The following CREBBP variants were observed in gnomAD, a reference collection of about 807,000 sequenced individuals.
The protein encoded by CREBBP is CREB binding lysine acetyltransferase.
CREBBP carries 19 observed loss-of-function variants against 265.0 expected under a neutral mutation model. The ratio of observed to expected loss-of-function variants is 0.07; its 90% CI spans 0.05 to 0.11. The LOEUF is 0.11. Among genes scored for constraint, CREBBP ranks in the 10% least tolerant of loss-of-function variants. The pLI is 1.00. For synonymous variants in CREBBP, 1,457 were observed against 1,223.7 expected, an observed-to-expected ratio of 1.19 and a Z score of -3.98; for missense variants, 2,525 against 3,219.0, an observed-to-expected ratio of 0.78 and a Z score of 5.22.
chr16:3,738,523 T>C (rs981246671), intron 26 of CREBBP, 36 bp downstream of exon 26: 4 of 1,248,764 alleles, frequency 3.2e-6, no homozygotes, highest in African/African-American at 3.0e-5. Context: ...AAATAAAGGG[T>C]TCTTACTAGT....
In CREBBP at chr16:3,731,918, T is replaced by C; in HGVS notation, c.4748A>G (p.Lys1583Arg). The C allele has an allele frequency of 6.2e-7, 1 of 1,614,272 alleles. No homozygotes were observed. Among genetic ancestry groups the C allele is most frequent in the South Asian group, 1.1e-5 (1 of 91,092 alleles). ...CTTGTTGTTCTTCTTCTTGGCATTC[T>C]TGCTGTCGCCCTGACTGCCCTGCAA... The part of the protein sequence containing the change: ...ETTEGSQGDS[K>R]NAKKKNNKKT... The change falls in exon 29 of 31, where the codon AAG (lysine) becomes AGG (arginine). Residue 1583 changes from lysine (K) to arginine (R), a missense_variant. Lys to Arg is a conservative substitution (Grantham distance 26). Around this residue, in one of 19 missense-constraint regions of CREBBP, gnomAD observed 93 missense variants for 161.5 expected, o/e 0.58. Coordinates refer to ENST00000262367, the MANE Select transcript of CREBBP (RefSeq NM_004380.3). This position sits in a 1 kb window ranked among gnomAD's most constrained non-coding sequence, Gnocchi z 7.7.
At chr16:3,759,287 T>G (rs1184972264) in intron 16 of CREBBP, among the ~76,000 whole-genome samples, 2 of 152,064 alleles carry the variant, frequency 1.3e-5, no homozygotes, top group Non-Finnish European at 2.9e-5. Context: ...TCAAACTGGG[T>G]GGCAAATAAA....
At chr16:3,772,339 A>G (rs925817238) in intron 13 of CREBBP, among the ~76,000 whole-genome samples, 2 of 150,008 alleles carry the variant, frequency 1.3e-5, no homozygotes. Flanking sequence ...ACACACACAC[A>G]CACACACACA....
At chr16:3,785,016 G>A (rs1226175034) in intron 5 of CREBBP, among the ~76,000 whole-genome samples, 2 of 152,214 alleles carry the variant, frequency 1.3e-5, no homozygotes, top group East Asian at 3.8e-4. Context: ...AATTAATTAT[G>A]AACAAATAAA....
rs113036831 is a variant in CREBBP at position 3,876,334 on chromosome 16, T to C, written c.85+3498A>G. 2.1e-3 allele frequency among the ~76,000 whole-genome samples: 274 copies of C among 133,028 alleles called. 1 individual carries two copies. The highest frequency in any genetic ancestry group is 6.4e-3 in the African/African-American group (222 of 34,876). The allele number at this position is 133,028 out of a possible 152,430, so 87.3% of individuals were successfully genotyped here. A position where few individuals can be genotyped will look rare whatever the true frequency, so the allele number is the denominator to read the frequency against. Reference sequence around the variant, plus strand: ...GGATTATAGGCATGAGCCACCACCCTGGCCTGCAATTTCAAAAAACTTTAT... The same window carrying C: ...GGATTATAGGCATGAGCCACCACCCCGGCCTGCAATTTCAAAAAACTTTAT... On this transcript the variant is annotated intron_variant, in intron 1 of 30. Coordinates refer to ENST00000262367, the MANE Select transcript of CREBBP (RefSeq NM_004380.3).
At position 3,731,699 on chromosome 16, in the gene CREBBP, G is replaced by T; in HGVS notation, c.4890+77C>A. The T allele has an allele frequency of 6.3e-7, 1 of 1,598,002 alleles. No homozygotes were observed. On this transcript the variant is annotated intron_variant, in intron 29 of 30. Transcript: ENST00000262367. This position sits in a 1 kb window ranked among gnomAD's most constrained non-coding sequence, Gnocchi z 7.7. ...CCCTCCCACCACAGACCTGCACACG[G>T]GCCCACGCCCGCCAGCTGCGAGTCT...
rs1596881762 is a variant in CREBBP at position 3,769,075 on chromosome 16, A to G, written c.3060+99T>C. 2.1e-5 allele frequency: 28 copies of G among 1,356,752 alleles called. No homozygotes were observed. The South Asian group carries it at 2.7e-4, about 13-fold the overall frequency. The allele number at this position is 1,356,752 out of a possible 1,614,324, so 84.0% of individuals were successfully genotyped here. A position where few individuals can be genotyped will look rare whatever the true frequency, so the allele number is the denominator to read the frequency against. The stretch of plus-strand genomic sequence containing the variant: ...CACATTCAAACAGAATATTTTAACT[A>G]AAGTCAGGGATACCCATGGCAGGCT... On this transcript the variant is annotated intron_variant, in intron 15 of 30. Transcript: ENST00000262367.
chr16:3,772,675 T>C lies in CREBBP; in HGVS notation c.2463+1076A>G, dbSNP rs192079641. On this transcript the variant is annotated intron_variant, in intron 13 of 30. Coordinates refer to ENST00000262367, the MANE Select transcript of CREBBP (RefSeq NM_004380.3). ...CCCTTTACACGAAGTTTGCTAATCC[T>C]TGTTCTAGAGAAATGAAATGTTATG... Among the ~76,000 whole-genome samples, 413 of 152,266 alleles carry C rather than the reference T, an allele frequency of 2.7e-3. 1 individual carries two copies. Among genetic ancestry groups the C allele is most frequent in the Non-Finnish European group, 4.4e-3 (301 of 68,018 alleles).
chr16:3,874,759 C>A (rs1017517848), intron 1 of CREBBP, among the ~76,000 whole-genome samples: 3 of 152,340 alleles, frequency 2.0e-5, no homozygotes, highest in African/African-American at 7.2e-5. Flanking sequence ...CAGCTACAAG[C>A]AACAGCATCT....
At position 3,769,308 on chromosome 16, in the gene CREBBP, A is replaced by G; in HGVS notation, c.2926T>C (p.Ser976Pro). The G allele has an allele frequency of 6.2e-7, 1 of 1,614,102 alleles. No individual in the cohort carries two copies. The highest frequency in any genetic ancestry group is 1.1e-5 in the South Asian group (1 of 91,070). ...TTGGTTTCTGCGCTGGCCACCGAGG[A>G]GGGGGTAGGGACTCTGTTATCAATG... is the stretch of plus-strand genomic sequence containing the variant. Reference protein sequence around the residue: ...ASIDNRVPTPSSVASAETNSQ... With the variant: ...ASIDNRVPTPPSVASAETNSQ... Residue 976 changes from serine to proline, a missense_variant, in exon 15 of 31, where the codon TCC becomes CCC. Coordinates refer to ENST00000262367, the MANE Select transcript of CREBBP (RefSeq NM_004380.3).
chr16:3,754,521 T>C (rs62037857), intron 19 of CREBBP, among the ~76,000 whole-genome samples: 30 of 91,652 alleles, frequency 3.3e-4, no homozygotes, highest in Non-Finnish European at 2.7e-4. Flanking sequence ...CCAGTGATGA[T>C]GCATTTCAGG....
At chr16:3,870,433 T>G (rs934884267) in intron 1 of CREBBP, among the ~76,000 whole-genome samples, 2 of 152,226 alleles carry the variant, frequency 1.3e-5, no homozygotes, top group Non-Finnish European at 2.9e-5. Flanking sequence ...ACTTTTCCCT[T>G]TTCTCTAAGT....
rs2141347047 is a variant in CREBBP at position 3,810,704 on chromosome 16, C to T, written c.874G>A (p.Gly292Arg). The change falls in exon 3 of 31, where the codon GGA (glycine) becomes AGA (arginine). Residue 292 changes from glycine to arginine, a missense_variant. This residue lies in a region of CREBBP where 126 missense variants were observed against 171.9 expected (regional missense o/e 0.73). Coordinates refer to ENST00000262367, the MANE Select transcript of CREBBP (RefSeq NM_004380.3). ...TTGCTGGCTAACTGGGGGTTCACTC[C>T]AGTGGCTCCCATTGGCTGCCCTCCA... Reference protein sequence around the residue: ...QAGGQPMGATGVNPQLASKQS... With the variant: ...QAGGQPMGATRVNPQLASKQS... The T allele has an allele frequency of 6.2e-7, 1 of 1,613,952 alleles. No homozygotes were observed. Among genetic ancestry groups the T allele is most frequent in the Non-Finnish European group, 8.5e-7 (1 of 1,180,028 alleles).
At chr16:3,820,492 C>G (rs1205205175) in intron 2 of CREBBP, among the ~76,000 whole-genome samples, 1 of 152,152 alleles carries the variant, frequency 6.6e-6, no homozygotes, top group African/African-American at 2.4e-5. Flanking sequence ...TGTGCGGCCC[C>G]CAGGTCTGAA....
At position 3,728,221 on chromosome 16, in the gene CREBBP, G is replaced by A; in HGVS notation, c.6826C>T (p.Gln2276Ter). ...GTGCTGTCTGCCCCCAGCCCCGGCT[G>A]CCCCATCTGGCCAAGCTGTCCCATC... The part of the protein sequence containing the change: ...AQMGQLGQMG[Q>*]PGLGADSTPN... Residue 2276 changes from glutamine to a stop codon, truncating the protein, a stop_gained, in exon 31 of 31, where the codon CAG becomes TAG. Coordinates refer to ENST00000262367, the MANE Select transcript of CREBBP (RefSeq NM_004380.3). LOFTEE classifies it high-confidence loss of function. The surrounding 1 kb of genome is among the most constrained non-coding windows in gnomAD (Gnocchi z 8.7). The A allele has an allele frequency of 6.2e-7, 1 of 1,613,478 alleles. No individual in the cohort carries two copies. Among genetic ancestry groups the A allele is most frequent in the Middle Eastern group, 1.7e-4 (1 of 6,014 alleles).
rs191078594 is a variant in CREBBP, at chr16:3,840,375, C to A, written c.798+9922G>T. Among the ~76,000 whole-genome samples, 146 of 152,260 alleles carry A rather than the reference C, an allele frequency of 9.6e-4. 1 individual carries two copies. Among genetic ancestry groups the A allele is most frequent in the Non-Finnish European group, 2.9e-5 (2 of 68,030 alleles). On this transcript the variant is annotated intron_variant, in intron 2 of 30. Transcript: ENST00000262367. ...GACCAGCCCAGGCAACATAGCAACA[C>A]CATGTCTGCATTAAAAAGGAAAGAA...
rs768530324 is a variant in CREBBP at position 3,780,743 on chromosome 16, T to C, written c.1812A>G (p.Leu604=). 1.9e-5 allele frequency: 31 copies of C among 1,613,942 alleles called. No individual in the cohort carries two copies. Among genetic ancestry groups the C allele is most frequent in the Admixed American group, 3.3e-5 (2 of 60,010 alleles). The change falls in exon 8 of 31, where the codon CTA becomes CTG. Residue 604 remains leucine (L), a synonymous_variant. Coordinates refer to ENST00000262367, the MANE Select transcript of CREBBP (RefSeq NM_004380.3). ...AAACTGTTACGTACAGTTTATGCACTAGATGGCTCCGCAGGTCCTGAGTGA... is the reference window on the plus strand; with the variant it reads ...AAACTGTTACGTACAGTTTATGCACCAGATGGCTCCGCAGGTCCTGAGTGA... ...EHVTQDLRSH[L]VHKLVQAIFP...
rs1567360671 is a variant in CREBBP at position 3,849,447 on chromosome 16, GTGT to G, written c.798+847_798+849del. On this transcript the variant is annotated intron_variant, in intron 2 of 30. Transcript: ENST00000262367. Reference sequence around the variant, plus strand: ...TGTGTGTGTGTGTGTGTGTGTGTGTGTGTGTGTGTGTGTGTGTGTGTGTGTGTG... The same window carrying G: ...TGTGTGTGTGTGTGTGTGTGTGTGTGGTGTGTGTGTGTGTGTGTGTGTGTG... Among the ~76,000 whole-genome samples, 91 of 31,808 alleles carry G rather than the reference GTGT, an allele frequency of 2.9e-3. 3 individuals are homozygous for G. Among genetic ancestry groups the G allele is most frequent in the South Asian group, 0.012 (9 of 740 alleles). The allele number at this position is 31,808 out of a possible 152,430, so 20.9% of individuals were successfully genotyped here. A position where few individuals can be genotyped will look rare whatever the true frequency, so the allele number is the denominator to read the frequency against.
At chr16:3,800,200 C>T (rs2053684688) in intron 3 of CREBBP, among the ~76,000 whole-genome samples, 1 of 152,282 alleles carries the variant, frequency 6.6e-6, no homozygotes, top group African/African-American at 2.4e-5. Flanking sequence ...CTCACACAGT[C>T]TCACCCTCCT....
Sources: gnomAD v4.1 joint callset for allele counts (sites outside exome capture counted in the v4.1 genomes callset) on GRCh38, gnomAD v4.1.1 for gene constraint, gnomAD v4.1.1 regional missense constraint, Gnocchi (gnomAD v3.1) non-coding constraint, MANE v1.5 for transcripts, NCBI Gene and HGNC (gene_info 2026-07-23, HGNC 2026-07-21) for gene names.